The following SLC71A1 variants were observed in gnomAD, a reference collection of about 807,000 sequenced individuals.
SLC71A1 encodes the protein solute carrier family 71 member 1, also known as hippocampus abundant gene transcript 1.
the SLC71A1 span, among the ~76,000 whole-genome samples, chr1:100,067,618 C>T: frequency 2.2e-4 from 33 of 152,132 alleles, no homozygotes; most frequent in Admixed American, 5.9e-4. Context: ...CGAGACTAGC[C>T]TAGGCAACAT....
At chr1:100,059,980 A>G in the SLC71A1 span, 14 of 1,612,098 alleles carry the variant, frequency 8.7e-6, no homozygotes, top group Admixed American at 3.4e-5. Flanking sequence ...ATGTGCCCCA[A>G]TTCCTTTAAT....
At chr1:100,082,447 G>A in the SLC71A1 span, 5 of 510,960 alleles carry the variant, frequency 9.8e-6, no homozygotes, top group Non-Finnish European at 1.4e-5. Context: ...TTGCCACTAA[G>A]CTATTTGTTT....
chr1:100,078,381 A>G, the SLC71A1 span: 37 of 978,516 alleles, frequency 3.8e-5, no homozygotes, highest in Non-Finnish European at 5.9e-5. Flanking sequence ...GAATTACTTA[A>G]TTATGTAGTT....
At chr1:100,056,573 G>A in the SLC71A1 span, among the ~76,000 whole-genome samples, 1 of 152,106 alleles carries the variant, frequency 6.6e-6, no homozygotes, top group South Asian at 2.1e-4. Context: ...TTGCACCATC[G>A]CACTCCAGCC....
chr1:100,038,363 G>C, the SLC71A1 span: 4 of 1,478,520 alleles, frequency 2.7e-6, no homozygotes, highest in African/African-American at 5.6e-5. Flanking sequence ...GCCCCCATCC[G>C]GTCTCTCCTT....
At chr1:100,049,887 T>A in the SLC71A1 span, 2 of 1,363,700 alleles carry the variant, frequency 1.5e-6, no homozygotes, top group South Asian at 1.3e-5. Context: ...TTTAACTTTT[T>A]AAAAAATCTT....
At chr1:100,081,538 A>G in the SLC71A1 span, among the ~76,000 whole-genome samples, 11 of 151,998 alleles carry the variant, frequency 7.2e-5, no homozygotes, top group African/African-American at 2.4e-4. Context: ...ATGACCGGCT[A>G]ATTTTTTTTG....
At chr1:100,049,832 C>T in the SLC71A1 span, 1 of 723,646 alleles carries the variant, frequency 1.4e-6, no homozygotes, top group Non-Finnish European at 2.4e-6. Context: ...TGACTATTAA[C>T]ATCGTTGTTA....
At chr1:100,048,428 C>T in the SLC71A1 span, among the ~76,000 whole-genome samples, 1 of 152,166 alleles carries the variant, frequency 6.6e-6, no homozygotes, top group East Asian at 1.9e-4. Context: ...GATCTGCCCA[C>T]CTTGGCCTCC....
the SLC71A1 span, chr1:100,049,950 C>CA: frequency 1.2e-6 from 2 of 1,610,206 alleles, no homozygotes; most frequent in Non-Finnish European, 1.7e-6. Flanking sequence ...ATGCAGTTAT[C>CA]GTCATCTTTT....
At chr1:100,063,300 CAAAAA>C in the SLC71A1 span, among the ~76,000 whole-genome samples, 1 of 125,028 alleles carries the variant, frequency 8.0e-6, no homozygotes, top group Non-Finnish European at 1.6e-5. Context: ...CAAAACAAAA[CAAAAA>C]ACACTGAAAT....
At chr1:100,071,814 A>G in the SLC71A1 span, among the ~76,000 whole-genome samples, 1 of 151,866 alleles carries the variant, frequency 6.6e-6, no homozygotes, top group Admixed American at 6.6e-5. Context: ...TGTTTAGCAG[A>G]TGGCATCTGG....
the SLC71A1 span, chr1:100,069,504 A>C: frequency 1.5e-6 from 1 of 670,154 alleles, no homozygotes; most frequent in Non-Finnish European, 2.6e-6. Flanking sequence ...AATGAATTAC[A>C]TTTATTTTTT....
At chr1:100,080,811 A>G in the SLC71A1 span, 24 of 649,554 alleles carry the variant, frequency 3.7e-5, no homozygotes, top group South Asian at 3.0e-4. Context: ...GTTCTTCTAC[A>G]TACCACCTTG....
the SLC71A1 span, chr1:100,043,151 C>G: frequency 1.0e-6 from 1 of 981,964 alleles, no homozygotes; most frequent in Non-Finnish European, 1.2e-6. Flanking sequence ...TGCAGAAATT[C>G]TCCTACAGTT....
chr1:100,081,114 A>G, the SLC71A1 span, among the ~76,000 whole-genome samples: 1 of 152,196 alleles, frequency 6.6e-6, no homozygotes. Flanking sequence ...TGGCTTATTT[A>G]GCAGAGTTCT....
At chr1:100,051,101 A>AC in the SLC71A1 span, among the ~76,000 whole-genome samples, 2 of 150,220 alleles carry the variant, frequency 1.3e-5, no homozygotes, top group Non-Finnish European at 3.0e-5. Context: ...AAAAAAACAA[A>AC]AAAAAAAACA....
the SLC71A1 span, chr1:100,083,361 A>T: frequency 2.7e-5 from 4 of 150,904 alleles, no homozygotes; most frequent in Non-Finnish European, 5.9e-5. Context: ...TATTTTAATG[A>T]TTTTTTTTTT....
the SLC71A1 span, among the ~76,000 whole-genome samples, chr1:100,044,890 G>A: frequency 6.6e-5 from 10 of 152,098 alleles, no homozygotes; most frequent in Admixed American, 2.0e-4. Flanking sequence ...AGTACCATGC[G>A]GTTTTGGTAA....
Sources: gnomAD v4.1 joint callset for allele counts (sites outside exome capture counted in the v4.1 genomes callset) on GRCh38, gnomAD v4.1.1 for gene constraint, MANE v1.5 for transcripts, NCBI Gene and HGNC (gene_info 2026-07-23, HGNC 2026-07-21) for gene names.